TMPRSS9: variants seen among roughly 807,000 people sequenced by gnomAD.
The protein encoded by TMPRSS9 is transmembrane protease serine 9.
TMPRSS9 carries 113 observed loss-of-function variants against 111.4 expected under a neutral mutation model. The observed-to-expected ratio is 1.01, with a 90% CI of 0.87 to 1.19. The LOEUF (loss-of-function observed/expected upper bound fraction) is 1.19. TMPRSS9 is among the 50% of genes most tolerant of loss of function. TMPRSS9 has a pLI of 0.00. For missense variants in TMPRSS9, 1,803 were observed against 1,513.1 expected, an observed-to-expected ratio of 1.19 and a Z score of -3.18; for synonymous variants, 805 against 659.1, an observed-to-expected ratio of 1.22 and a Z score of -3.39.
At position 2,398,894 on chromosome 19, in the gene TMPRSS9, C is replaced by G. The variant is rs1373519054; in HGVS notation, c.338+32C>G. On this transcript the variant is annotated intron_variant, in intron 3 of 17. Transcript: ENST00000648592. Reference sequence around the variant, plus strand: ...TGGAGCTTCCATTGGGTGAAGGAAACTTGGTGGACATCTGGGAGTTTCTGG... The same window carrying G: ...TGGAGCTTCCATTGGGTGAAGGAAAGTTGGTGGACATCTGGGAGTTTCTGG... 2.0e-6 allele frequency: 3 copies of G among 1,530,212 alleles called. No individual in the cohort carries two copies. The South Asian group carries it at 3.6e-5, about 18-fold the overall frequency. The allele number at this position is 1,530,212 out of a possible 1,614,324, so 94.8% of individuals were successfully genotyped here.
At chr19:2,390,522 C>T (rs62120687) in intron 1 of TMPRSS9, among the ~76,000 whole-genome samples, 36,780 of 148,312 alleles carry the variant, frequency 0.25, 5,781 homozygotes, top group East Asian at 0.56. Flanking sequence ...GGATTACAGG[C>T]ATGAGCCACC....
chr19:2,399,465 A>G (rs189052687), intron 4 of TMPRSS9, among the ~76,000 whole-genome samples: 1 of 152,288 alleles, frequency 6.6e-6, no homozygotes, highest in Admixed American at 6.5e-5. Context: ...AATCCTACCT[A>G]CACAGGAGGC....
upstream of TMPRSS9, among the ~76,000 whole-genome samples, chr19:2,389,531 G>A (rs930156465): frequency 6.6e-6 from 1 of 151,586 alleles, no homozygotes; most frequent in African/African-American, 2.4e-5. Flanking sequence ...AACATGCCTG[G>A]CTAATTTTGG....
intron 11 of TMPRSS9, chr19:2,416,109 C>T (rs997651118): frequency 4.1e-5 from 18 of 438,122 alleles, no homozygotes; most frequent in African/African-American, 2.2e-4. Context: ...CATGGTGGCC[C>T]GCATCTGTGG....
chr19:2,362,420 G>A (rs990970348), intron 1 of TMPRSS9, among the ~76,000 whole-genome samples: 1 of 151,860 alleles, frequency 6.6e-6, no homozygotes, highest in African/African-American at 2.4e-5. Context: ...TGTGTGTATG[G>A]GTGTGTGACT....
chr19:2,388,090 C>T (rs1228821119), upstream of TMPRSS9, among the ~76,000 whole-genome samples: 1 of 152,118 alleles, frequency 6.6e-6, no homozygotes, highest in Non-Finnish European at 1.5e-5. Context: ...GATGCACCTC[C>T]CTTCGAAAGC....
At chr19:2,417,290 AC>A (rs1003466297) in intron 12 of TMPRSS9, among the ~76,000 whole-genome samples, 1 of 151,968 alleles carries the variant, frequency 6.6e-6, no homozygotes, top group Non-Finnish European at 1.5e-5. Flanking sequence ...ACATGGTGAA[AC>A]CCCGTCTCTA....
intron 17 of TMPRSS9, 26 bp downstream of exon 18, chr19:2,425,519 C>A (rs1374536085): frequency 1.3e-6 from 2 of 1,529,026 alleles, no homozygotes; most frequent in East Asian, 2.4e-5. Context: ...GCCCAGGGGA[C>A]CAGGTCCCGC....
chr19:2,363,789 AGTGT>A (rs1195621397), intron 1 of TMPRSS9, among the ~76,000 whole-genome samples: 6 of 90,766 alleles, frequency 6.6e-5, no homozygotes, highest in African/African-American at 1.5e-4. Flanking sequence ...TCTGTGTGTG[AGTGT>A]GTGTGTGTGT....
At chr19:2,377,265 GTA>G (rs1568169875) in intron 1 of TMPRSS9, among the ~76,000 whole-genome samples, 1 of 118,872 alleles carries the variant, frequency 8.4e-6, no homozygotes, top group Non-Finnish European at 1.6e-5. Context: ...ATGTATGTAT[GTA>G]TGTATGTATG....
intron 7 of TMPRSS9, among the ~76,000 whole-genome samples, chr19:2,406,804 C>G (rs1224786776): frequency 6.7e-6 from 1 of 149,262 alleles, no homozygotes; most frequent in Non-Finnish European, 1.5e-5. Context: ...GTGATATTAT[C>G]CTTTTTTTTT....
At chr19:2,423,913 A>T (rs2145421468) in intron 14 of TMPRSS9, among the ~76,000 whole-genome samples, 176 bp from the exon 16 acceptor site, 1 of 152,294 alleles carries the variant, frequency 6.6e-6, no homozygotes, top group Non-Finnish European at 1.5e-5. Context: ...AGAAAAGCCC[A>T]AAGACCAAGC....
rs781509437 is a variant in TMPRSS9, at chr19:2,425,936, G to A, written c.3130G>A (p.Gly1044Arg). 1 of 1,596,756 alleles carries A rather than the reference G, an allele frequency of 6.3e-7. No homozygotes were observed. Among genetic ancestry groups the A allele is most frequent in the East Asian group, 2.3e-5 (1 of 44,326 alleles). Reference sequence around the variant, plus strand: ...CTTCTCTCCCCAACAGGGTGACGCTGGGGGACCCCTGGCCTGCAGGGAGCC... The same window carrying A: ...CTTCTCTCCCCAACAGGGTGACGCTAGGGGACCCCTGGCCTGCAGGGAGCC... The change falls in exon 18 of 18, where the codon GGG becomes AGG. Residue 1044 changes from glycine (G) to arginine (R), a missense_variant. Gly to Arg is a moderately radical substitution (Grantham distance 125). Transcript: ENST00000648592.
intron 6 of TMPRSS9, among the ~76,000 whole-genome samples, chr19:2,403,694 T>TAA (rs764503344): frequency 2.5e-4 from 30 of 119,332 alleles, no homozygotes; most frequent in African/African-American, 7.1e-4. Flanking sequence ...CCATCTCTAC[T>TAA]AAAAAAAAAA....
chr19:2,396,002 T>C (rs866703400), intron 1 of TMPRSS9, among the ~76,000 whole-genome samples: 4 of 152,192 alleles, frequency 2.6e-5, no homozygotes, highest in African/African-American at 7.2e-5. Context: ...AGCGAGACTC[T>C]GTCTCAAACA....
chr19:2,393,427 G>A (rs1970641183), intron 1 of TMPRSS9, among the ~76,000 whole-genome samples: 2 of 152,216 alleles, frequency 1.3e-5, no homozygotes, highest in African/African-American at 2.4e-5. Flanking sequence ...CCACCAGAAG[G>A]AAGAAATTCC....
At chr19:2,394,599 C>T (rs202105813) in intron 1 of TMPRSS9, among the ~76,000 whole-genome samples, 3 of 151,662 alleles carry the variant, frequency 2.0e-5, no homozygotes, top group South Asian at 2.1e-4. Flanking sequence ...GCTCGTGTTT[C>T]TTTAGTTTCT....
intron 14 of TMPRSS9, among the ~76,000 whole-genome samples, chr19:2,423,095 A>C (rs1462973604): frequency 2.0e-5 from 3 of 150,434 alleles, no homozygotes; most frequent in Non-Finnish European, 4.4e-5. Flanking sequence ...AGGGACTTTG[A>C]TGGTTCACAG....
intron 10 of TMPRSS9, chr19:2,414,262 C>G: frequency 2.5e-6 from 1 of 407,316 alleles, no homozygotes; most frequent in Non-Finnish European, 4.4e-6. Flanking sequence ...TTTTTTGAGA[C>G]GCAGTCTTGC....
Sources: gnomAD v4.1 joint callset for allele counts (sites outside exome capture counted in the v4.1 genomes callset) on GRCh38, gnomAD v4.1.1 for gene constraint, MANE v1.5 for transcripts, NCBI Gene and HGNC (gene_info 2026-07-23, HGNC 2026-07-21) for gene names.